The following SUGCT variants were observed in gnomAD, a reference collection of about 807,000 sequenced individuals.
SUGCT encodes the protein succinyl-CoA:glutarate-CoA transferase, also known as succinyl-CoA:glutarate CoA-transferase.
In SUGCT, 41 loss-of-function variants were observed where a neutral mutation model predicts 55.0. That is an observed-to-expected ratio of 0.74 (90% CI 0.58 to 0.97). The LOEUF (loss-of-function observed/expected upper bound fraction) is 0.97. Among genes scored for constraint, SUGCT ranks in the 50% least tolerant of loss-of-function variants. The probability of loss-of-function intolerance (pLI) is 0.00; values close to 1 mark genes in which losing one functional copy is unlikely to be tolerated. For missense variants in SUGCT, 568 were observed against 547.8 expected (o/e 1.04, Z -0.37); for synonymous variants, 187 against 200.4 (o/e 0.93, Z 0.56).
At chr7:40,830,242 T>A (rs1792584244) in intron 13 of SUGCT, among the ~76,000 whole-genome samples, 2 of 152,196 alleles carry the variant, frequency 1.3e-5, no homozygotes, top group African/African-American at 4.8e-5. Context: ...CCATGTGGCT[T>A]TTCACAATGT....
chr7:40,566,098 ACT>A (rs998748455), intron 12 of SUGCT, among the ~76,000 whole-genome samples: 4 of 151,832 alleles, frequency 2.6e-5, no homozygotes, highest in Middle Eastern at 3.4e-3. Context: ...TTGTTGAATG[ACT>A]CTGCTTCCCA....
At chr7:40,569,952 A>G (rs945174315) in intron 12 of SUGCT, among the ~76,000 whole-genome samples, 1 of 152,238 alleles carries the variant, frequency 6.6e-6, no homozygotes, top group Non-Finnish European at 1.5e-5. Flanking sequence ...GAAGTGTGGT[A>G]TCCAAAGTTG....
chr7:40,154,122 C>A, intron 1 of SUGCT: 1 of 222,944 alleles, frequency 4.5e-6, no homozygotes, highest in Non-Finnish European at 9.7e-6. Flanking sequence ...TTTTGTTCAT[C>A]CTTCAGAACA....
intron 9 of SUGCT, among the ~76,000 whole-genome samples, chr7:40,443,905 T>C (rs1788660320): frequency 6.6e-6 from 1 of 152,174 alleles, no homozygotes; most frequent in Admixed American, 6.5e-5. Context: ...TTGTATAAGG[T>C]GTAAGGAAGG....
the SUGCT span, among the ~76,000 whole-genome samples, chr7:41,011,679 G>A: frequency 6.6e-6 from 1 of 152,180 alleles, no homozygotes; most frequent in Admixed American, 6.5e-5. Context: ...AAAAGTTAGA[G>A]AATTATAATC....
At chr7:40,564,701 T>C (rs1796029921) in intron 12 of SUGCT, among the ~76,000 whole-genome samples, 1 of 152,176 alleles carries the variant, frequency 6.6e-6, no homozygotes, top group Admixed American at 6.6e-5. Context: ...GGGACCTGGG[T>C]CAATGATACT....
chr7:40,851,480 C>T (rs912328165), intron 13 of SUGCT, among the ~76,000 whole-genome samples: 5 of 152,122 alleles, frequency 3.3e-5, no homozygotes, highest in Non-Finnish European at 7.4e-5. Flanking sequence ...CCACACCTAC[C>T]TCTGCATTTT....
chr7:40,263,352 G>A (rs1366224887), intron 7 of SUGCT, among the ~76,000 whole-genome samples: 1 of 152,224 alleles, frequency 6.6e-6, no homozygotes, highest in Non-Finnish European at 1.5e-5. Context: ...ACATGTTACA[G>A]ATGTGAAAGA....
chr7:40,722,318 T>G (rs964433854), intron 12 of SUGCT, among the ~76,000 whole-genome samples: 2 of 152,204 alleles, frequency 1.3e-5, no homozygotes, highest in African/African-American at 2.4e-5. Context: ...TACTATAATG[T>G]AGGGGAGTCT....
At chr7:40,364,736 C>T (rs976558339) in intron 9 of SUGCT, among the ~76,000 whole-genome samples, 4 of 152,020 alleles carry the variant, frequency 2.6e-5, no homozygotes, top group Admixed American at 1.3e-4. Flanking sequence ...TTAAAATAGA[C>T]CAATAACAGG....
Position 40,440,145 on chromosome 7 carries a change from G to GT in SUGCT, c.817-9110dup, listed in dbSNP as rs138984553. 3.1e-3 allele frequency among the ~76,000 whole-genome samples: 210 copies of GT among 68,418 alleles called. 21 individuals carry two copies. The highest frequency in any genetic ancestry group is 7.8e-3 in the South Asian group (11 of 1,410). 44.9% of individuals were successfully genotyped at this position (68,418 alleles called of 152,430 possible). ...TCAAGTTTTTTGTCTGTGTGTGTGT[G>GT]TTTTTTTTTTTTTTTTTTTTTTTTT... is the stretch of plus-strand genomic sequence containing the variant. On this transcript the variant is annotated intron_variant, in intron 9 of 13. Coordinates refer to ENST00000335693, the MANE Select transcript of SUGCT (RefSeq NM_001193313.2).
chr7:40,317,231 A>C (rs1795491534), intron 9 of SUGCT, among the ~76,000 whole-genome samples: 1 of 151,834 alleles, frequency 6.6e-6, no homozygotes, highest in Admixed American at 6.6e-5. Flanking sequence ...TACCTACCCC[A>C]TCTGACAATA....
chr7:40,948,368 A>G, the SUGCT span, among the ~76,000 whole-genome samples: 1 of 152,152 alleles, frequency 6.6e-6, no homozygotes, highest in Non-Finnish European at 1.5e-5. Context: ...CATGCCACTT[A>G]GACTGAAATG....
chr7:40,762,272 C>T (rs559284268), intron 13 of SUGCT, among the ~76,000 whole-genome samples: 1 of 152,250 alleles, frequency 6.6e-6, no homozygotes, highest in East Asian at 1.9e-4. Context: ...CACAATTGTT[C>T]GTACTCTAGC....
intron 5 of SUGCT, among the ~76,000 whole-genome samples, chr7:40,192,970 T>G (rs1436845336): frequency 1.5e-5 from 2 of 131,782 alleles, no homozygotes; most frequent in East Asian, 2.0e-4. Context: ...TGTAGTAGTG[T>G]TTTTTTTTTT....
At chr7:40,204,565 G>T (rs935244305) in intron 6 of SUGCT, among the ~76,000 whole-genome samples, 1 of 151,908 alleles carries the variant, frequency 6.6e-6, no homozygotes, top group Non-Finnish European at 1.5e-5. Context: ...GCCTCCCAAA[G>T]TGCTGGGATT....
intron 12 of SUGCT, among the ~76,000 whole-genome samples, chr7:40,630,824 A>G (rs1209072113): frequency 6.7e-6 from 1 of 149,556 alleles, no homozygotes; most frequent in Non-Finnish European, 1.5e-5. Flanking sequence ...GTGGGGATTT[A>G]TAAACTGGTC....
At chr7:40,209,775 G>T (rs1184398732) in intron 6 of SUGCT, among the ~76,000 whole-genome samples, 1 of 152,128 alleles carries the variant, frequency 6.6e-6, no homozygotes, top group Non-Finnish European at 1.5e-5. Context: ...CAGCCTGGGT[G>T]ACAGAGTGAG....
chr7:40,315,518 G>A (rs752274387), intron 8 of SUGCT, among the ~76,000 whole-genome samples: 10 of 152,160 alleles, frequency 6.6e-5, no homozygotes, highest in Non-Finnish European at 1.5e-4. Flanking sequence ...TTGACAGAGC[G>A]GTAAATGAAC....
Sources: allele counts gnomAD v4.1 joint callset (sites outside exome capture counted in the v4.1 genomes callset), GRCh38; gene constraint gnomAD v4.1.1; transcripts MANE v1.5; gene names NCBI Gene and HGNC (gene_info 2026-07-23, HGNC 2026-07-21).